HPS1: variants seen among roughly 807,000 people sequenced by gnomAD.
HPS1 encodes the protein HPS1 biogenesis of lysosomal organelles complex 3 subunit 1.
HPS1 carries 59 observed loss-of-function variants against 90.6 expected under a neutral mutation model. The ratio of observed to expected loss-of-function variants is 0.65; its 90% confidence interval spans 0.53 to 0.81. The LOEUF is 0.81. HPS1 is among the 30% of genes least tolerant of loss of function. The pLI is 0.00. For synonymous variants in HPS1, 388 were observed against 384.4 expected (o/e 1.01, Z -0.11); for missense variants, 849 against 896.7 (o/e 0.95, Z 0.68).
At chr10:98,427,702 C>A (rs569468968) in intron 10 of HPS1, among the ~76,000 whole-genome samples, 2 of 152,298 alleles carry the variant, frequency 1.3e-5, no homozygotes, top group Admixed American at 1.3e-4. Context: ...AACCGGCAAG[C>A]TCTTACTGAG....
chr10:98,440,049 G>T (rs1401560316), intron 3 of HPS1, among the ~76,000 whole-genome samples: 6 of 152,134 alleles, frequency 3.9e-5, no homozygotes, highest in Admixed American at 3.9e-4. Flanking sequence ...TGACATGATT[G>T]TAAGTTTCCT....
downstream of HPS1, chr10:98,415,025 C>T (rs772205022): frequency 8.1e-6 from 13 of 1,613,578 alleles, no homozygotes; most frequent in African/African-American, 9.3e-5. Context: ...CTATCACCAC[C>T]GCATCATACT....
chr10:98,415,117 C>T, downstream of HPS1: 1 of 1,613,416 alleles, frequency 6.2e-7, no homozygotes, highest in Middle Eastern at 1.6e-4. Context: ...TTGCAGAGAC[C>T]TCGGCCACTT....
In HPS1 at chr10:98,435,925, G is replaced by C. The variant is rs917295934; in HGVS notation, c.118-153C>G. Among the ~76,000 whole-genome samples, 1 of 152,180 alleles carries C rather than the reference G, an allele frequency of 6.6e-6. No individual in the cohort carries two copies. The highest frequency in any genetic ancestry group is 1.5e-5 in the Non-Finnish European group (1 of 68,036). The stretch of plus-strand genomic sequence containing the variant: ...CCTGGTAGGGAGGGGAGCAAAAAGA[G>C]ACTGTCCCCAACACTTCGGGTGGTG... On this transcript the variant is annotated intron_variant, in intron 3 of 19. Coordinates refer to ENST00000361490, the MANE Select transcript of HPS1 (RefSeq NM_000195.5). This position sits in a 1 kb window ranked among gnomAD's most constrained non-coding sequence, Gnocchi z 4.3.
chr10:98,429,190 G>T, intron 10 of HPS1: 1 of 1,040,580 alleles, frequency 9.6e-7, no homozygotes, highest in Non-Finnish European at 1.2e-6. Flanking sequence ...ACATACTTTG[G>T]AGAAACAAAG....
downstream of HPS1, chr10:98,415,019 C>T (rs1843956874): frequency 6.2e-7 from 1 of 1,613,226 alleles, no homozygotes; most frequent in African/African-American, 1.3e-5. Flanking sequence ...CTGCTCCTAT[C>T]ACCACCGCAT....
rs529679107 is a variant in HPS1 at position 98,435,225 on chromosome 10, C to T, written c.398+47G>A. ...GCTGGGCACACGCTGCCTGGCCCAG[C>T]GAGGGTGCTCGGCAAAGGACAGAGG... On this transcript the variant is annotated intron_variant, in intron 5 of 19. Coordinates refer to ENST00000361490, the MANE Select transcript of HPS1 (RefSeq NM_000195.5). This position sits in a 1 kb window ranked among gnomAD's most constrained non-coding sequence, Gnocchi z 4.3. The T allele has an allele frequency of 4.3e-5, 70 of 1,612,720 alleles. 1 individual carries two copies. In the Middle Eastern group the frequency reaches 9.0e-4, roughly 21 times the overall value.
At chr10:98,418,570 G>C (rs1460429837) in intron 18 of HPS1, among the ~76,000 whole-genome samples, 7 of 152,212 alleles carry the variant, frequency 4.6e-5, no homozygotes, top group Admixed American at 2.6e-4. Context: ...GAAGAGCAGA[G>C]CATTCACAAA....
At chr10:98,418,047 G>A (rs1264838773) in intron 19 of HPS1, 128 bp downstream of exon 19, 2 of 706,602 alleles carry the variant, frequency 2.8e-6, no homozygotes, top group East Asian at 2.5e-5. Context: ...AGCCGGGAAG[G>A]TGTTCCCAGC....
At chr10:98,440,639 T>A (rs1938258102) in intron 3 of HPS1, among the ~76,000 whole-genome samples, 1 of 152,014 alleles carries the variant, frequency 6.6e-6, no homozygotes, top group Admixed American at 6.5e-5. Flanking sequence ...GAATTATAGG[T>A]CATTTAAAAA....
At position 98,425,996 on chromosome 10, in the gene HPS1, A is replaced by G. The variant is rs1299842186; in HGVS notation, c.988-11T>C. 3 of 1,613,158 alleles carry G rather than the reference A, an allele frequency of 1.9e-6. No homozygotes were observed. The highest frequency in any genetic ancestry group is 2.7e-5 in the African/African-American group (2 of 75,042). On this transcript the variant is annotated splice_polypyrimidine_tract_variant and intron_variant, in intron 11 of 19. Coordinates refer to ENST00000361490, the MANE Select transcript of HPS1 (RefSeq NM_000195.5). ...GGTGTCCTCTGCTATCTACAGAGGA[A>G]GAAGAGCTGCAGTGAGAGGTGGGAT... is the stretch of plus-strand genomic sequence containing the variant.
At chr10:98,424,704 G>A (rs1845366476) in intron 13 of HPS1, among the ~76,000 whole-genome samples, 1 of 152,168 alleles carries the variant, frequency 6.6e-6, no homozygotes, top group Admixed American at 6.5e-5. Flanking sequence ...GGGGTGTGCG[G>A]AGGAGGTGCT....
intron 7 of HPS1, 112 bp from the exon 8 acceptor site, chr10:98,430,782 TG>T: frequency 1.2e-6 from 1 of 832,460 alleles, no homozygotes; most frequent in Non-Finnish European, 2.0e-6. Flanking sequence ...AATGTACTTC[TG>T]GAGATGGGCA....
intron 3 of HPS1, chr10:98,442,739 C>T (rs1938669344): frequency 1.3e-5 from 4 of 304,536 alleles, no homozygotes; most frequent in South Asian, 1.2e-4. Context: ...AATCCCTGAG[C>T]TCAAGCAACT....
At chr10:98,438,279 C>G (rs1046252821) in intron 3 of HPS1, among the ~76,000 whole-genome samples, 2 of 152,088 alleles carry the variant, frequency 1.3e-5, no homozygotes, top group Non-Finnish European at 1.5e-5. Flanking sequence ...GAGGTTGGAA[C>G]AGTATGGAGG....
intron 18 of HPS1, 21 bp downstream of exon 18, chr10:98,420,024 C>G (rs1317389522): frequency 6.7e-7 from 1 of 1,489,922 alleles, no homozygotes; most frequent in African/African-American, 1.4e-5. Flanking sequence ...CGTCCTGGCC[C>G]AGGGACTCAG....
Position 98,422,495 on chromosome 10 carries a change from T to C in HPS1, c.1617A>G (p.Pro539=). 6.2e-7 allele frequency: 1 copy of C among 1,614,142 alleles called. No homozygotes were observed. The highest frequency in any genetic ancestry group is 8.5e-7 in the Non-Finnish European group (1 of 1,180,026). ...CCACATAGATGAAGTGCACCAAGCC[T>C]GGGAAGTCTTCTAGGTAGGTGAAGG... ...ITMVSYLEDF[P]GLVHFIYVDR... Residue 539 remains proline, a synonymous_variant, in exon 17 of 20, where the codon CCA becomes CCG. Transcript: ENST00000361490.
intron 13 of HPS1, among the ~76,000 whole-genome samples, chr10:98,424,663 C>T (rs938504614): frequency 6.6e-6 from 1 of 151,776 alleles, no homozygotes; most frequent in Non-Finnish European, 1.5e-5. Flanking sequence ...GCCAGCCCCT[C>T]GGGGTGGGGG....
rs964078556 is a variant in HPS1, at chr10:98,417,463, C to A, written c.*101G>T. 2 of 1,102,608 alleles carry A rather than the reference C, an allele frequency of 1.8e-6. No homozygotes were observed. The highest frequency in any genetic ancestry group is 3.1e-5 in the African/African-American group (2 of 64,536). 68.3% of individuals were successfully genotyped at this position (1,102,608 alleles called of 1,614,324 possible). On this transcript the variant is annotated 3_prime_UTR_variant, in exon 20 of 20. Coordinates refer to ENST00000361490, the MANE Select transcript of HPS1 (RefSeq NM_000195.5). This position sits in a 1 kb window ranked among gnomAD's most constrained non-coding sequence, Gnocchi z 4.2. ...CACCCTGGGCACTCTGCCCTATCCT[C>A]AGGATGGCCACTGCAGACAGGAGGC... is the stretch of plus-strand genomic sequence containing the variant.
Sources: gnomAD v4.1 joint callset for allele counts (sites outside exome capture counted in the v4.1 genomes callset) on GRCh38, gnomAD v4.1.1 for gene constraint, Gnocchi (gnomAD v3.1) non-coding constraint, MANE v1.5 for transcripts, NCBI Gene and HGNC (gene_info 2026-07-23, HGNC 2026-07-21) for gene names.